The following IL25 variants were observed in gnomAD, a reference collection of about 807,000 sequenced individuals.
IL25 encodes the protein interleukin-25.
In IL25, 10 loss-of-function variants were observed where a neutral mutation model predicts 13.2. The observed-to-expected ratio is 0.76, with a 90% CI of 0.47 to 1.29. The LOEUF (loss-of-function observed/expected upper bound fraction) is 1.29, where lower values mean the gene tolerates loss of function less well. Among genes scored for constraint, IL25 ranks in the 50% most tolerant of loss-of-function variants. IL25 has a pLI of 0.00. For missense variants in IL25, 235 were observed against 232.4 expected (o/e 1.01, Z -0.07); for synonymous variants, 107 against 92.1 (o/e 1.16, Z -0.93).
chr14:23,375,904 C>T, exon 2 of IL25: 1 of 1,607,118 alleles, frequency 6.2e-7, no homozygotes, highest in Non-Finnish European at 8.5e-7. Flanking sequence ...AGGCTGGTCC[C>T]TTTTTGGGAA....
exon 1 of IL25, chr14:23,373,105 G>T: frequency 6.2e-7 from 1 of 1,613,918 alleles, no homozygotes; most frequent in Non-Finnish European, 8.5e-7. Context: ...TGGGATCCCA[G>T]GGGGAGGGTG....
chr14:23,375,941 G>A, exon 2 of IL25: 3 of 1,577,204 alleles, frequency 1.9e-6, no homozygotes, highest in Non-Finnish European at 2.6e-6. Context: ...ACAACCACTT[G>A]CCATGAAGGG....
At chr14:23,375,588 C>T in intron 1 of IL25, 37 bp from the exon 3 acceptor site, 1 of 1,598,786 alleles carries the variant, frequency 6.3e-7, no homozygotes, top group East Asian at 2.2e-5. Flanking sequence ...TGTTTCCGGC[C>T]CATCTTTCCA....
At chr14:23,373,428 C>G (rs776931389) in intron 1 of IL25, 32 bp downstream of exon 2, 1 of 1,578,934 alleles carries the variant, frequency 6.3e-7, no homozygotes, top group South Asian at 1.1e-5. Context: ...AATGCCTGCC[C>G]TGTGTGTGCT....
At chr14:23,372,923 TG>T in exon 1 of IL25, 41 of 1,594,452 alleles carry the variant, frequency 2.6e-5, no homozygotes, top group Non-Finnish European at 3.5e-5. Flanking sequence ...CCACGAGGCC[TG>T]TCAGTCAGTG....
At chr14:23,374,090 G>T (rs936290445) in intron 1 of IL25, among the ~76,000 whole-genome samples, 10 of 152,100 alleles carry the variant, frequency 6.6e-5, no homozygotes, top group Admixed American at 2.0e-4. Context: ...CTTCCTTCTA[G>T]TTCTGTCTTA....
In IL25 at chr14:23,373,557, C is replaced by G. The variant is rs780931971; in HGVS notation, c.278+161C>G. ...CTGTATTTGAGTCCTAGCTCTGACT[C>G]TCATTGGATGATCTTGAGTCAATTC... On this transcript the variant is annotated intron_variant, in intron 1 of 1. Coordinates refer to ENST00000329715, the Ensembl canonical transcript of IL25. Among the ~76,000 whole-genome samples the G allele has an allele frequency of 2.5e-4, 38 of 151,342 alleles. No individual in the cohort carries two copies. The Middle Eastern group carries it at 0.01, about 41-fold the overall frequency.
chr14:23,375,524 G>C, intron 1 of IL25, 101 bp from the exon 3 acceptor site: 2 of 1,423,904 alleles, frequency 1.4e-6, no homozygotes, highest in African/African-American at 1.4e-5. Flanking sequence ...AGAGGCCAAG[G>C]CCCCAGACGG....
chr14:23,375,565 A>AC (rs2138560968), intron 1 of IL25, 60 bp from the exon 3 acceptor site: 1 of 1,580,546 alleles, frequency 6.3e-7, no homozygotes, highest in Non-Finnish European at 8.6e-7. Flanking sequence ...CTCCCATGCC[A>AC]CCCCACCCTC....
At chr14:23,376,016 A>G (rs573614963) in exon 2 of IL25, 1 of 1,221,890 alleles carries the variant, frequency 8.2e-7, no homozygotes, top group Non-Finnish European at 1.1e-6. Context: ...CCGGGACAGG[A>G]TGGGGGGCTT....
exon 1 of IL25, chr14:23,373,037 G>A: frequency 6.2e-7 from 1 of 1,614,000 alleles, no homozygotes; most frequent in Non-Finnish European, 8.5e-7. Flanking sequence ...ATGCTGCTGA[G>A]GGTGGAGGGA....
chr14:23,375,988 G>A (rs1890546616), exon 2 of IL25: 2 of 1,424,110 alleles, frequency 1.4e-6, no homozygotes, highest in Non-Finnish European at 9.6e-7. Flanking sequence ...GTGAAGTGCT[G>A]TCTGGAGCAG....
chr14:23,373,662 T>C (rs1289351579), intron 1 of IL25, among the ~76,000 whole-genome samples: 1 of 151,812 alleles, frequency 6.6e-6, no homozygotes, highest in Non-Finnish European at 1.5e-5. Flanking sequence ...GCAGATCAAA[T>C]GAAATATAAT....
At chr14:23,373,217 C>T (rs1444314061) in exon 1 of IL25, 5 of 1,614,244 alleles carry the variant, frequency 3.1e-6, no homozygotes, top group Non-Finnish European at 4.2e-6. Context: ...CCCACACCTA[C>T]AGCCACTGGC....
chr14:23,376,132 CTGCCCATTTCT>C, exon 2 of IL25: 1 of 525,682 alleles, frequency 1.9e-6, no homozygotes, highest in South Asian at 2.6e-5. Flanking sequence ...TTTCAAAGTT[CTGCCCATTTCT>C]GGAGGCCACC....
chr14:23,373,498 G>A, intron 1 of IL25, 102 bp downstream of exon 2: 2 of 1,014,080 alleles, frequency 2.0e-6, no homozygotes, highest in Non-Finnish European at 2.8e-6. Flanking sequence ...TTTGATCTCA[G>A]AGGGGCTGTA....
intron 1 of IL25, 80 bp from the exon 3 acceptor site, chr14:23,375,545 T>C: frequency 6.5e-7 from 1 of 1,535,988 alleles, no homozygotes; most frequent in Non-Finnish European, 8.8e-7. Flanking sequence ...ACCATTTCCT[T>C]CTTCTGGCAC....
chr14:23,374,167 G>T (rs900927174), intron 1 of IL25, among the ~76,000 whole-genome samples: 1 of 152,116 alleles, frequency 6.6e-6, no homozygotes, highest in Non-Finnish European at 1.5e-5. Context: ...ACTGAGATTG[G>T]ATCTAGTGTG....
chr14:23,375,508 G>A, intron 1 of IL25, 117 bp from the exon 3 acceptor site: 1 of 1,289,440 alleles, frequency 7.8e-7, no homozygotes, highest in Admixed American at 2.2e-5. Flanking sequence ...GTTCAGAACT[G>A]AGACAAGAGG....
Sources: gnomAD v4.1 joint callset for allele counts (sites outside exome capture counted in the v4.1 genomes callset) on GRCh38, gnomAD v4.1.1 for gene constraint, MANE v1.5 for transcripts, NCBI Gene and HGNC (gene_info 2026-07-23, HGNC 2026-07-21) for gene names.